ARID4B: variants seen among roughly 807,000 people sequenced by gnomAD.
The protein encoded by ARID4B is AT-rich interaction domain 4B.
In ARID4B, 26 loss-of-function variants were observed where a neutral mutation model predicts 147.5. That is an observed-to-expected ratio of 0.18 (90% CI 0.13 to 0.24). The LOEUF is 0.24. ARID4B is among the 10% of genes least tolerant of loss of function. The probability of loss-of-function intolerance (pLI) is 1.00; values close to 1 mark genes in which losing one functional copy is unlikely to be tolerated. For synonymous variants in ARID4B, 512 were observed against 507.9 expected (o/e 1.01, Z -0.11); for missense variants, 1,179 against 1,511.5 (o/e 0.78, Z 3.65).
At chr1:235,261,889 C>T (rs1420197706) in intron 2 of ARID4B, among the ~76,000 whole-genome samples, 2 of 152,156 alleles carry the variant, frequency 1.3e-5, no homozygotes, top group Non-Finnish European at 2.9e-5. Context: ...CATCCCAGGA[C>T]GTTCCACCAA....
chr1:235,234,303 A>C (rs1668425337), intron 9 of ARID4B, 110 bp downstream of exon 9: 1 of 712,470 alleles, frequency 1.4e-6, no homozygotes, highest in Non-Finnish European at 2.4e-6. Context: ...ATGATGAAAA[A>C]TAAAAGCCTA....
chr1:235,294,442 CAA>C (rs2103222023), intron 2 of ARID4B, among the ~76,000 whole-genome samples: 1 of 106,854 alleles, frequency 9.4e-6, no homozygotes, highest in South Asian at 4.1e-4. Flanking sequence ...CCCAGGGGTT[CAA>C]GCAATTCTCC....
intron 23 of ARID4B, among the ~76,000 whole-genome samples, chr1:235,172,321 A>G (rs1663421854): frequency 1.3e-5 from 2 of 152,230 alleles, no homozygotes; most frequent in Admixed American, 6.5e-5. Context: ...TCACGCCTGT[A>G]ATCTTAGCAC....
chr1:235,238,745 A>C (rs552318544), intron 8 of ARID4B, among the ~76,000 whole-genome samples: 11 of 152,088 alleles, frequency 7.2e-5, no homozygotes, highest in African/African-American at 2.7e-4. Context: ...AGTGTGAGCT[A>C]CTCAGGAGGC....
At chr1:235,189,138 C>T (rs556191382) in intron 19 of ARID4B, among the ~76,000 whole-genome samples, 22 of 152,254 alleles carry the variant, frequency 1.4e-4, no homozygotes, top group South Asian at 8.3e-4. Context: ...CAGTGGCTCA[C>T]GCCTATAATC....
chr1:235,244,082 C>T (rs762514870), intron 7 of ARID4B, among the ~76,000 whole-genome samples: 4 of 152,034 alleles, frequency 2.6e-5, no homozygotes, highest in Non-Finnish European at 5.9e-5. Flanking sequence ...ATGAATTATA[C>T]ACTAATTTAA....
At chr1:235,217,849 C>T (rs1418644522) in intron 16 of ARID4B, among the ~76,000 whole-genome samples, 1 of 152,076 alleles carries the variant, frequency 6.6e-6, no homozygotes, top group Non-Finnish European at 1.5e-5. Flanking sequence ...ACAGTAAGCC[C>T]CTCTTATCTG....
At chr1:235,234,304 T>C in intron 9 of ARID4B, 109 bp downstream of exon 9, 1 of 714,206 alleles carries the variant, frequency 1.4e-6, no homozygotes, top group Non-Finnish European at 2.4e-6. Context: ...TGATGAAAAA[T>C]AAAAGCCTAA....
intron 2 of ARID4B, among the ~76,000 whole-genome samples, chr1:235,312,371 CAT>C: frequency 6.6e-6 from 1 of 152,252 alleles, no homozygotes; most frequent in Non-Finnish European, 1.5e-5. Context: ...AATAAATACT[CAT>C]GTTTGATTCA....
At chr1:235,236,370 AT>A (rs757576857) in intron 8 of ARID4B, among the ~76,000 whole-genome samples, 9 of 152,016 alleles carry the variant, frequency 5.9e-5, no homozygotes, top group Admixed American at 4.6e-4. Flanking sequence ...AAATCCTTAG[AT>A]TTTTCATTTT....
At chr1:235,319,644 C>T (rs965151361) in intron 2 of ARID4B, among the ~76,000 whole-genome samples, 8 of 152,026 alleles carry the variant, frequency 5.3e-5, no homozygotes, top group African/African-American at 1.9e-4. Context: ...TTTGACAATG[C>T]CTTCATGGTC....
At chr1:235,199,750 C>T (rs561572805) in intron 17 of ARID4B, among the ~76,000 whole-genome samples, 9 of 152,192 alleles carry the variant, frequency 5.9e-5, no homozygotes, top group African/African-American at 2.2e-4. Flanking sequence ...ATGTCCTTAC[C>T]AAATACAAGC....
At chr1:235,317,530 G>A (rs1674524423) in intron 2 of ARID4B, among the ~76,000 whole-genome samples, 1 of 152,150 alleles carries the variant, frequency 6.6e-6, no homozygotes, top group South Asian at 2.1e-4. Flanking sequence ...ACTATGGTAA[G>A]GTGAACATGA....
chr1:235,249,859 G>C (rs1009146117), intron 6 of ARID4B, among the ~76,000 whole-genome samples: 3 of 151,042 alleles, frequency 2.0e-5, no homozygotes, highest in Non-Finnish European at 2.9e-5. Context: ...AGAATCACTT[G>C]AACACGGGAG....
Position 235,173,790 on chromosome 1 carries a change from ATATATATATATATATATATATATG to A in ARID4B, c.3665-1050_3665-1027del, listed in dbSNP as rs1558165877. 1.9e-3 allele frequency among the ~76,000 whole-genome samples: 136 copies of A among 72,128 alleles called. 4 individuals are homozygous for A. The highest frequency in any genetic ancestry group is 5.3e-3 in the African/African-American group (90 of 16,890). The allele number at this position is 72,128 out of a possible 152,430, so 47.3% of individuals were successfully genotyped here. On this transcript the variant is annotated intron_variant, in intron 22 of 23. Transcript: ENST00000264183. ...AAAAAAAATATATATATATATATATATATATATATATATATATATATATGTATACCTAAAACATATATATATATA... is the reference window on the plus strand; with the variant it reads ...AAAAAAAATATATATATATATATATATATACCTAAAACATATATATATATA...
At chr1:235,183,541 A>C (rs1664467241) in intron 19 of ARID4B, among the ~76,000 whole-genome samples, 1 of 151,766 alleles carries the variant, frequency 6.6e-6, no homozygotes, top group African/African-American at 2.4e-5. Context: ...TATAGCCTTC[A>C]TTTTTCTTTT....
At chr1:235,217,465 C>T (rs1303561440) in intron 16 of ARID4B, among the ~76,000 whole-genome samples, 2 of 152,140 alleles carry the variant, frequency 1.3e-5, no homozygotes, top group Admixed American at 6.5e-5. Context: ...CATACACACA[C>T]ATATGCATTT....
intron 2 of ARID4B, among the ~76,000 whole-genome samples, chr1:235,272,416 T>G (rs1473274015): frequency 6.6e-6 from 1 of 152,234 alleles, no homozygotes; most frequent in African/African-American, 2.4e-5. Context: ...GAGATAATTG[T>G]TAACACAAAA....
intron 2 of ARID4B, among the ~76,000 whole-genome samples, chr1:235,264,132 C>T (rs953145055): frequency 6.6e-6 from 1 of 152,198 alleles, no homozygotes; most frequent in African/African-American, 2.4e-5. Context: ...CTGCTGCCAC[C>T]TCTATTTATT....
Sources: allele counts gnomAD v4.1 joint callset (sites outside exome capture counted in the v4.1 genomes callset), GRCh38; gene constraint gnomAD v4.1.1; transcripts MANE v1.5; gene names NCBI Gene and HGNC (gene_info 2026-07-23, HGNC 2026-07-21).